Variants in DCUN1D2 observed in about 807,000 individuals in gnomAD.
DCUN1D2 encodes the protein defective in cullin neddylation 1 domain containing 2, also known as DCN1-like protein 2.
In DCUN1D2, 29 loss-of-function variants were observed where a neutral mutation model predicts 30.9. The observed-to-expected ratio is 0.94, with a 90% CI of 0.70 to 1.28. The LOEUF (loss-of-function observed/expected upper bound fraction) is 1.28. DCUN1D2 is among the 50% of genes most tolerant of loss of function. The probability of loss-of-function intolerance (pLI) is 0.00; values close to 1 mark genes in which losing one functional copy is unlikely to be tolerated. For synonymous variants in DCUN1D2, 121 were observed against 115.3 expected (o/e 1.05, Z -0.32); for missense variants, 325 against 316.9 (o/e 1.03, Z -0.19).
chr13:113,490,692 G>T lies in DCUN1D2; in HGVS notation c.-23C>A. ...CATCTCCCCCGCGCCGCCCGCTTCTGGCCGGCCCCGGCCTTCTGCGCAGGC... is the reference window on the plus strand; with the variant it reads ...CATCTCCCCCGCGCCGCCCGCTTCTTGCCGGCCCCGGCCTTCTGCGCAGGC... On this transcript the variant is annotated 5_prime_UTR_variant, in exon 1 of 7. Transcript: ENST00000478244. This position sits in a 1 kb window ranked among gnomAD's most constrained non-coding sequence, Gnocchi z 5.2. 8.2e-7 allele frequency: 1 copy of T among 1,220,834 alleles called. No homozygotes were observed. The highest frequency in any genetic ancestry group is 3.1e-5 in the South Asian group (1 of 32,526). The allele number at this position is 1,220,834 out of a possible 1,614,324, so 75.6% of individuals were successfully genotyped here.
chr13:113,483,608 G>C (rs1039078436), intron 2 of DCUN1D2, among the ~76,000 whole-genome samples: 6 of 152,228 alleles, frequency 3.9e-5, no homozygotes, highest in Non-Finnish European at 8.8e-5. Context: ...GCCTGGCCCT[G>C]CCCCATCGCT....
intron 5 of DCUN1D2, 34 bp downstream of exon 5, chr13:113,461,020 G>C (rs767252087): frequency 2.1e-6 from 3 of 1,425,362 alleles, no homozygotes; most frequent in Admixed American, 1.8e-5. Flanking sequence ...TCCCTCCACA[G>C]TGGGCACACA....
At chr13:113,474,344 CGCAGCTCCAGCT>C in intron 3 of DCUN1D2, 90 bp from the exon 4 acceptor site, 1 of 1,517,680 alleles carries the variant, frequency 6.6e-7, no homozygotes, top group Non-Finnish European at 8.9e-7. Context: ...TGACCAGGCA[CGCAGCTCCAGCT>C]GGAGACCGTA....
chr13:113,484,086 A>C, intron 1 of DCUN1D2, 30 bp from the exon 2 acceptor site: 1 of 1,610,564 alleles, frequency 6.2e-7, no homozygotes, highest in Non-Finnish European at 8.5e-7. Flanking sequence ...TAGGAAAGCC[A>C]ATGAAGCCGC....
chr13:113,465,182 A>C (rs1055453100), intron 4 of DCUN1D2, among the ~76,000 whole-genome samples: 1 of 152,250 alleles, frequency 6.6e-6, no homozygotes, highest in Admixed American at 6.5e-5. Flanking sequence ...TTAAAGTAAC[A>C]GTTCAAAATA....
chr13:113,471,532 T>G (rs1474809062), intron 4 of DCUN1D2, among the ~76,000 whole-genome samples: 1 of 152,220 alleles, frequency 6.6e-6, no homozygotes, highest in Non-Finnish European at 1.5e-5. Flanking sequence ...AAGTACTTAC[T>G]GAAAACACTC....
At chr13:113,484,236 G>A in intron 1 of DCUN1D2, 180 bp from the exon 2 acceptor site, 1 of 1,349,042 alleles carries the variant, frequency 7.4e-7, no homozygotes, top group Non-Finnish European at 9.8e-7. Context: ...GTAACAAACA[G>A]GCAGTCTAAG....
At chr13:113,458,748 CCAGAA>C (rs1181513900) in intron 6 of DCUN1D2, among the ~76,000 whole-genome samples, 3 of 152,138 alleles carry the variant, frequency 2.0e-5, no homozygotes, top group Admixed American at 6.5e-5. Context: ...GCGCCAGGGC[CCAGAA>C]CAGATCACTG....
At position 113,490,677 on chromosome 13, in the gene DCUN1D2, G is replaced by T. The variant is rs1291497934; in HGVS notation, c.-8C>A. ...CGCCGGGCCACCTACCATCTCCCCC[G>T]CGCCGCCCGCTTCTGGCCGGCCCCG... On this transcript the variant is annotated 5_prime_UTR_variant, in exon 1 of 7. Coordinates refer to ENST00000478244, the MANE Select transcript of DCUN1D2 (RefSeq NM_001014283.2). This position sits in a 1 kb window ranked among gnomAD's most constrained non-coding sequence, Gnocchi z 5.2. 1.6e-6 allele frequency: 2 copies of T among 1,244,132 alleles called. No individual in the cohort carries two copies. The highest frequency in any genetic ancestry group is 2.0e-6 in the Non-Finnish European group (2 of 992,616). 77.1% of individuals were successfully genotyped at this position (1,244,132 alleles called of 1,614,324 possible).
At chr13:113,465,686 T>TA (rs1310620023) in intron 4 of DCUN1D2, among the ~76,000 whole-genome samples, 2 of 135,512 alleles carry the variant, frequency 1.5e-5, no homozygotes, top group South Asian at 2.3e-4. Context: ...TTTTTTTTTT[T>TA]AATACGGTCT....
In DCUN1D2 at chr13:113,457,831, A is replaced by C. The variant is rs2044250402; in HGVS notation, c.*198T>G. ...GACAAATCTCCAAACATCCCAAAGCAGCCGTGTCCCGAGGAACTTCCTGCG... is the reference window on the plus strand; with the variant it reads ...GACAAATCTCCAAACATCCCAAAGCCGCCGTGTCCCGAGGAACTTCCTGCG... On this transcript the variant is annotated 3_prime_UTR_variant, in exon 7 of 7. Transcript: ENST00000478244. 3 of 590,840 alleles carry C rather than the reference A, an allele frequency of 5.1e-6. No individual in the cohort carries two copies. 36.6% of individuals were successfully genotyped at this position (590,840 alleles called of 1,614,324 possible).
chr13:113,462,604 C>T (rs1450905304), intron 4 of DCUN1D2: 3 of 238,348 alleles, frequency 1.3e-5, no homozygotes, highest in African/African-American at 4.7e-5. Context: ...AAATAAAACG[C>T]CTCTAAATTC....
chr13:113,473,177 C>A (rs2139709974), intron 4 of DCUN1D2, among the ~76,000 whole-genome samples: 1 of 151,266 alleles, frequency 6.6e-6, no homozygotes, highest in Non-Finnish European at 1.5e-5. Context: ...GTCTCTCTAT[C>A]CCTCTGTCCC....
chr13:113,483,847 C>T lies in DCUN1D2; in HGVS notation c.213G>A (p.Arg71=), dbSNP rs1314184134. ...DKKKLERLYG[R]YKDPQDENKI... is the part of the protein sequence containing the mutation. ...GCTGCAGTCTCCTCTTACCTTTGTACCTGCCGTACAGCCGCTCCAGCTTCT... is the reference window on the plus strand; with the variant it reads ...GCTGCAGTCTCCTCTTACCTTTGTATCTGCCGTACAGCCGCTCCAGCTTCT... The change falls in exon 2 of 7, where the codon AGG becomes AGA. Residue 71 remains arginine, a synonymous_variant. Coordinates refer to ENST00000478244, the MANE Select transcript of DCUN1D2 (RefSeq NM_001014283.2). 1 of 1,612,148 alleles carries T rather than the reference C, an allele frequency of 6.2e-7. No homozygotes were observed. Among genetic ancestry groups the T allele is most frequent in the Non-Finnish European group, 8.5e-7 (1 of 1,180,014 alleles).
chr13:113,476,981 T>C (rs956229710), intron 3 of DCUN1D2, among the ~76,000 whole-genome samples: 8 of 152,226 alleles, frequency 5.3e-5, no homozygotes, highest in African/African-American at 1.7e-4. Context: ...GAGCGCTCCA[T>C]TCTGCTCCAC....
rs914477119 is a variant in DCUN1D2, at chr13:113,482,711, G to A, written c.220+1129C>T. Among the ~76,000 whole-genome samples the A allele has an allele frequency of 1.6e-4, 24 of 152,170 alleles. 1 individual carries two copies. The highest frequency in any genetic ancestry group is 5.8e-4 in the African/African-American group (24 of 41,438). On this transcript the variant is annotated intron_variant, in intron 2 of 6. Transcript: ENST00000478244. ...TGTAATCCCAGCACTTTGGGAGGCC[G>A]AGGCGGGTGGATCATGAGGTCAAGA...
rs9324243 is a variant in DCUN1D2, at chr13:113,465,318, C to G, written c.521-4182G>C. ...ACTAATCCTCACTTTGGAAAGGAAG[C>G]TGGATAGACCTCTGAGAATTAAACT... On this transcript the variant is annotated intron_variant, in intron 4 of 6. Transcript: ENST00000478244. Among the ~76,000 whole-genome samples, 1,083 of 152,206 alleles carry G rather than the reference C, an allele frequency of 7.1e-3. 9 individuals carry two copies. The highest frequency in any genetic ancestry group is 0.025 in the African/African-American group (1,037 of 41,508).
At chr13:113,477,641 T>C (rs1270683420) in intron 3 of DCUN1D2, among the ~76,000 whole-genome samples, 4 of 152,148 alleles carry the variant, frequency 2.6e-5, no homozygotes, top group Admixed American at 6.5e-5. Context: ...ATGTTTTCCA[T>C]AGGAATTTTT....
At chr13:113,490,808 G>T, upstream of DCUN1D2, 3 of 775,146 alleles carry the variant, frequency 3.9e-6, no homozygotes, top group Non-Finnish European at 5.0e-6. This position sits in a 1 kb window ranked among gnomAD's most constrained non-coding sequence, Gnocchi z 5.2. Flanking sequence ...CCCACTCCCG[G>T]CATGCTCAGC....
Sources: gnomAD v4.1 joint callset for allele counts (sites outside exome capture counted in the v4.1 genomes callset) on GRCh38, gnomAD v4.1.1 for gene constraint, Gnocchi (gnomAD v3.1) non-coding constraint, MANE v1.5 for transcripts, NCBI Gene and HGNC (gene_info 2026-07-23, HGNC 2026-07-21) for gene names.